The following PRRC2B variants were observed in gnomAD, a reference collection of about 807,000 sequenced individuals.
PRRC2B encodes protein PRRC2B.
Under a neutral mutation model 242.3 loss-of-function variants are expected in PRRC2B, and 68 were observed. The ratio of observed to expected loss-of-function variants is 0.28; its 90% CI spans 0.23 to 0.34. PRRC2B has a LOEUF of 0.34. Ranked by LOEUF, PRRC2B falls within the 10% of genes least tolerant of loss-of-function variation. The probability of loss-of-function intolerance (pLI) is 1.00; values close to 1 mark genes in which losing one functional copy is unlikely to be tolerated. For missense variants in PRRC2B, 2,835 were observed against 2,954.8 expected (o/e 0.96, Z 0.94); for synonymous variants, 1,228 against 1,173.6 (o/e 1.05, Z -0.95).
chr9:131,409,602 G>T (rs1029199984), intron 1 of PRRC2B, among the ~76,000 whole-genome samples: 1 of 152,210 alleles, frequency 6.6e-6, no homozygotes, highest in East Asian at 1.9e-4. Context: ...TGTGGGGGCC[G>T]GGCTGGGCTG....
At chr9:131,386,385 G>T (rs370428484) in intron 1 of PRRC2B, among the ~76,000 whole-genome samples, 1 of 150,288 alleles carries the variant, frequency 6.7e-6, no homozygotes, top group Non-Finnish European at 1.5e-5. Flanking sequence ...CCAGAGTCCC[G>T]TGATTATAGG....
chr9:131,429,514 T>C (rs1297075226), intron 1 of PRRC2B, among the ~76,000 whole-genome samples: 1 of 152,354 alleles, frequency 6.6e-6, no homozygotes, highest in Middle Eastern at 3.4e-3. Flanking sequence ...TTTTGTTGCC[T>C]AAGCAGATGT....
intron 1 of PRRC2B, among the ~76,000 whole-genome samples, chr9:131,412,489 T>C (rs1837532221): frequency 6.6e-6 from 1 of 152,188 alleles, no homozygotes; most frequent in South Asian, 2.1e-4. Context: ...CGTGCGTGCA[T>C]GCACACGCTG....
At chr9:131,458,697 T>G (rs1238720566) in intron 10 of PRRC2B, among the ~76,000 whole-genome samples, 1 of 152,104 alleles carries the variant, frequency 6.6e-6, no homozygotes, top group Non-Finnish European at 1.5e-5. Context: ...GAGACTTGGT[T>G]TCACCATGTT....
At chr9:131,382,553 C>G (rs1034440991) in intron 1 of PRRC2B, among the ~76,000 whole-genome samples, 3 of 152,020 alleles carry the variant, frequency 2.0e-5, no homozygotes, top group Admixed American at 6.6e-5. Context: ...ATGTCCCTCC[C>G]TGCTGTGAGC....
Position 131,394,093 on chromosome 9 carries a change from G to A in PRRC2B, c.-222G>A, listed in dbSNP as rs911690222. The A allele has an allele frequency of 1.3e-5, 2 of 149,604 alleles. No homozygotes were observed. Among genetic ancestry groups the A allele is most frequent in the Non-Finnish European group, 3.0e-5 (2 of 66,650 alleles). 9.3% of individuals were successfully genotyped at this position (149,604 alleles called of 1,614,324 possible). ...CGCGAGGGAGCGAGCGGCGAGACAG[G>A]CGCCGAGGCTCCACCGCGCAGCGAC... On this transcript the variant is annotated 5_prime_UTR_variant, in exon 1 of 32. Coordinates refer to ENST00000683519, the MANE Select transcript of PRRC2B (RefSeq NM_013318.4).
At position 131,464,874 on chromosome 9, in the gene PRRC2B, G is replaced by A. The variant is rs746958851; in HGVS notation, c.1516G>A (p.Ala506Thr). 1.2e-6 allele frequency: 2 copies of A among 1,613,554 alleles called. No homozygotes were observed. The highest frequency in any genetic ancestry group is 2.7e-5 in the African/African-American group (2 of 74,896). Reference sequence around the variant, plus strand: ...AGAGATGTCCGAGGCGGTGGAGCGAGCCCGAAAGCGCCGGGAAGAAGAGGA... The same window carrying A: ...AGAGATGTCCGAGGCGGTGGAGCGAACCCGAAAGCGCCGGGAAGAAGAGGA... ...QSEMSEAVER[A>T]RKRREEEERR... Residue 506 changes from alanine to threonine, a missense_variant, in exon 12 of 32, where the codon GCC becomes ACC. Ala to Thr is a moderately conservative substitution (Grantham distance 58, BLOSUM62 0). Transcript: ENST00000683519.
chr9:131,424,729 C>T (rs1350121482), intron 1 of PRRC2B, among the ~76,000 whole-genome samples: 1 of 152,110 alleles, frequency 6.6e-6, no homozygotes, highest in Non-Finnish European at 1.5e-5. Flanking sequence ...TTAAAGAAAA[C>T]ATTGTACAAG....
chr9:131,386,049 A>G (rs1278922942), intron 1 of PRRC2B, among the ~76,000 whole-genome samples: 1 of 150,144 alleles, frequency 6.7e-6, no homozygotes, highest in Non-Finnish European at 1.5e-5. Flanking sequence ...GATTTCCTGA[A>G]CTTGGGATGT....
At chr9:131,423,613 C>A (rs1462322489) in intron 1 of PRRC2B, among the ~76,000 whole-genome samples, 2 of 152,232 alleles carry the variant, frequency 1.3e-5, no homozygotes, top group Non-Finnish European at 2.9e-5. Flanking sequence ...GATCTCCTGA[C>A]TGCCGTAAAG....
intron 1 of PRRC2B, among the ~76,000 whole-genome samples, chr9:131,401,850 G>A (rs1290973534): frequency 5.3e-5 from 8 of 151,306 alleles, no homozygotes; most frequent in Non-Finnish European, 1.0e-4. Context: ...TAGTGGAGAC[G>A]GGGTTTCACC....
At chr9:131,490,407 TC>T (rs1944154968) in intron 28 of PRRC2B, 2 of 517,066 alleles carry the variant, frequency 3.9e-6, no homozygotes, top group Non-Finnish European at 7.7e-6. Context: ...AATGGCAGCA[TC>T]TTCCCATCAT....
At chr9:131,466,842 C>T (rs2131427652) in intron 12 of PRRC2B, among the ~76,000 whole-genome samples, 1 of 151,576 alleles carries the variant, frequency 6.6e-6, no homozygotes, top group East Asian at 1.9e-4. Flanking sequence ...CACTCTGTCG[C>T]CCAGGCTGGA....
At chr9:131,464,726 G>T in intron 11 of PRRC2B, 37 bp from the exon 12 acceptor site, 2 of 1,532,760 alleles carry the variant, frequency 1.3e-6, no homozygotes, top group South Asian at 2.6e-5. Flanking sequence ...CCGGGTCCCG[G>T]ACCCACCGCC....
chr9:131,479,921 T>C (rs1457363677), intron 19 of PRRC2B, among the ~76,000 whole-genome samples: 1 of 152,192 alleles, frequency 6.6e-6, no homozygotes, highest in East Asian at 1.9e-4. Flanking sequence ...CTGAAAACTT[T>C]TTTTTTTTAA....
intron 1 of PRRC2B, among the ~76,000 whole-genome samples, chr9:131,414,305 C>T (rs1459319707): frequency 1.3e-5 from 2 of 149,834 alleles, no homozygotes; most frequent in Admixed American, 6.7e-5. Context: ...ACAATAAAGC[C>T]TCTAGAATAA....
intron 31 of PRRC2B, among the ~76,000 whole-genome samples, chr9:131,495,246 T>G (rs531696959): frequency 1.3e-4 from 20 of 151,946 alleles, no homozygotes; most frequent in South Asian, 6.3e-4. Flanking sequence ...AGGGAAAGGT[T>G]ACAGAGTGGG....
chr9:131,382,268 C>T (rs565567531), intron 1 of PRRC2B, among the ~76,000 whole-genome samples: 4 of 152,260 alleles, frequency 2.6e-5, no homozygotes, highest in South Asian at 2.1e-4. Flanking sequence ...CCACCCTCCT[C>T]GGCTTCTCAA....
intron 9 of PRRC2B, among the ~76,000 whole-genome samples, chr9:131,454,598 C>T (rs1457725758): frequency 6.6e-6 from 1 of 151,888 alleles, no homozygotes; most frequent in African/African-American, 2.4e-5. Context: ...GCCAAAAGAA[C>T]CTCTCCGATG....
Sources: allele counts gnomAD v4.1 joint callset (sites outside exome capture counted in the v4.1 genomes callset), GRCh38; gene constraint gnomAD v4.1.1; transcripts MANE v1.5; gene names NCBI Gene and HGNC (gene_info 2026-07-23, HGNC 2026-07-21).